The following AGAP1 variants were observed in gnomAD, a reference collection of about 807,000 sequenced individuals.
AGAP1 encodes arf-GAP with GTPase, ANK repeat and PH domain-containing protein 1.
Under a neutral mutation model 105.3 loss-of-function variants are expected in AGAP1, and 29 were observed. The ratio of observed to expected loss-of-function variants is 0.28; its 90% CI spans 0.21 to 0.38. The LOEUF (loss-of-function observed/expected upper bound fraction) is 0.38, where lower values mean the gene tolerates loss of function less well. Among genes scored for constraint, AGAP1 ranks in the 10% least tolerant of loss-of-function variants. The pLI, the probability that AGAP1 is intolerant of heterozygous loss-of-function variation, is 1.00. For missense variants in AGAP1, 998 were observed against 1,165.1 expected (o/e 0.86, Z 2.09); for synonymous variants, 509 against 485.9 (o/e 1.05, Z -0.63).
At chr2:235,584,685 C>T (rs7597938) in intron 1 of AGAP1, among the ~76,000 whole-genome samples, 54,477 of 151,270 alleles carry the variant, frequency 0.36, 10,174 homozygotes, top group Middle Eastern at 0.53. Flanking sequence ...TCCAGAACTG[C>T]GAGGGAATAC....
At chr2:235,757,983 C>T (rs561115477) in intron 6 of AGAP1, among the ~76,000 whole-genome samples, 1 of 152,166 alleles carries the variant, frequency 6.6e-6, no homozygotes, top group Non-Finnish European at 1.5e-5. Context: ...CACCACAGTC[C>T]TTGTGCTGTT....
At chr2:235,561,848 T>A (rs1444578249) in intron 1 of AGAP1, among the ~76,000 whole-genome samples, 1 of 152,156 alleles carries the variant, frequency 6.6e-6, no homozygotes, top group Non-Finnish European at 1.5e-5. Context: ...TGACTTCCAG[T>A]CAAGTTGAAA....
intron 9 of AGAP1, among the ~76,000 whole-genome samples, chr2:235,810,364 C>T (rs577931540): frequency 6.6e-6 from 1 of 152,148 alleles, no homozygotes; most frequent in African/African-American, 2.4e-5. Context: ...TCTGCATGAT[C>T]GAAGCCTCAC....
chr2:235,500,463 T>C (rs902267094), intron 1 of AGAP1, among the ~76,000 whole-genome samples: 1 of 152,222 alleles, frequency 6.6e-6, no homozygotes, highest in Non-Finnish European at 1.5e-5. Flanking sequence ...TCTGGAAGCA[T>C]AGCTGTAAAG....
rs1951330226 is a variant in AGAP1, at chr2:235,720,566, C to T, written c.310+2922C>T. On this transcript the variant is annotated intron_variant, in intron 3 of 17. Transcript: ENST00000304032. The surrounding 1 kb of genome is among the most constrained non-coding windows in gnomAD (Gnocchi z 5.0). ...GTACTGCTGCCTTCTCATCAGACCT[C>T]CTTTCCTCTTACAACTGCTAGAGCG... 2 of 670,874 alleles carry T rather than the reference C, an allele frequency of 3.0e-6. No individual in the cohort carries two copies. The highest frequency in any genetic ancestry group is 3.7e-6 in the Non-Finnish European group (2 of 543,218). The allele number at this position is 670,874 out of a possible 1,614,324, so 41.6% of individuals were successfully genotyped here.
rs914249181 is a variant in AGAP1, at chr2:236,003,470, C to T, written c.1646-33091C>T. On this transcript the variant is annotated intron_variant, in intron 13 of 17. Transcript: ENST00000304032. This position sits in a 1 kb window ranked among gnomAD's most constrained non-coding sequence, Gnocchi z 4.2. ...ACCTCTGTGTGTGGTCGCACGTCCT[C>T]CTCATGGCCACGCTGGGATGGAGGT... Among the ~76,000 whole-genome samples, 2 of 152,232 alleles carry T rather than the reference C, an allele frequency of 1.3e-5. No homozygotes were observed. Among genetic ancestry groups the T allele is most frequent in the Non-Finnish European group, 2.9e-5 (2 of 68,034 alleles).
Position 235,735,381 on chromosome 2 carries a change from T to A in AGAP1, c.311-5582T>A, listed in dbSNP as rs183075067. Among the ~76,000 whole-genome samples, 64 of 152,306 alleles carry A rather than the reference T, an allele frequency of 4.2e-4. 1 individual carries two copies. The East Asian group carries it at 0.012, about 29-fold the overall frequency. On this transcript the variant is annotated intron_variant, in intron 3 of 17. Transcript: ENST00000304032. ...AATGACAGCATAGATGATCTCCCTC[T>A]CCGACTTGTCTCTGTGTAGACTGCA...
intron 1 of AGAP1, among the ~76,000 whole-genome samples, chr2:235,528,248 G>A (rs1942917109): frequency 6.6e-6 from 1 of 151,586 alleles, no homozygotes; most frequent in African/African-American, 2.4e-5. Context: ...GGGGAACCTG[G>A]CCACGTGGTT....
intron 1 of AGAP1, among the ~76,000 whole-genome samples, chr2:235,671,864 T>G (rs1948451012): frequency 6.6e-6 from 1 of 152,188 alleles, no homozygotes; most frequent in Non-Finnish European, 1.5e-5. Flanking sequence ...GTTAACCTTT[T>G]GGTAGCATTT....
In AGAP1 at chr2:236,040,236, CTG is replaced by C. The variant is rs1220093350; in HGVS notation, c.1801-512_1801-511del. Reference sequence around the variant, plus strand: ...CCCACCCTGGCGAGTGGCTTTGTCACTGTGGCAACCGAGGGTCTTCAGATGAC... The same window carrying C: ...CCCACCCTGGCGAGTGGCTTTGTCACTGGCAACCGAGGGTCTTCAGATGAC... On this transcript the variant is annotated intron_variant, in intron 14 of 17. Transcript: ENST00000304032. This position sits in a 1 kb window ranked among gnomAD's most constrained non-coding sequence, Gnocchi z 5.6. Among the ~76,000 whole-genome samples the C allele has an allele frequency of 1.3e-5, 2 of 152,200 alleles. No individual in the cohort carries two copies. Among genetic ancestry groups the C allele is most frequent in the African/African-American group, 4.8e-5 (2 of 41,452 alleles).
At chr2:235,808,726 T>G (rs948563523) in intron 9 of AGAP1, among the ~76,000 whole-genome samples, 3 of 152,162 alleles carry the variant, frequency 2.0e-5, no homozygotes, top group Non-Finnish European at 4.4e-5. Flanking sequence ...GTAAGATACA[T>G]GATCATCTAC....
rs143876714 is a variant in AGAP1, at chr2:235,508,482, G to A, written c.163+13633G>A. Among the ~76,000 whole-genome samples the A allele has an allele frequency of 3.9e-5, 6 of 152,288 alleles. No homozygotes were observed. In the East Asian group the frequency reaches 5.8e-4, roughly 15 times the overall value. The stretch of plus-strand genomic sequence containing the variant: ...TCACGCTCGGTTTTTTACTCATCAA[G>A]GTTATAAAGAAAATAACAGCTGTTG... On this transcript the variant is annotated intron_variant, in intron 1 of 17. Transcript: ENST00000304032.
At position 235,867,569 on chromosome 2, in the gene AGAP1, G is replaced by GTGTGTA. The variant is rs1227910606; in HGVS notation, c.1051-15771_1051-15770insATGTGT. On this transcript the variant is annotated intron_variant, in intron 9 of 17. Coordinates refer to ENST00000304032, the MANE Select transcript of AGAP1 (RefSeq NM_001037131.3). This position sits in a 1 kb window ranked among gnomAD's most constrained non-coding sequence, Gnocchi z 5.4. Reference sequence around the variant, plus strand: ...TGTGTGTGTGTGTGTGTGTGTGTGTGTGTGTGCAAGTGAGGGAGGGTGACC... The same window carrying GTGTGTA: ...TGTGTGTGTGTGTGTGTGTGTGTGTGTGTGTATGTGTGCAAGTGAGGGAGGGTGACC... Among the ~76,000 whole-genome samples, 7 of 150,848 alleles carry GTGTGTA rather than the reference G, an allele frequency of 4.6e-5. No homozygotes were observed. The highest frequency in any genetic ancestry group is 1.7e-4 in the African/African-American group (7 of 41,228).
At chr2:235,804,131 A>G (rs1406823054) in intron 8 of AGAP1, among the ~76,000 whole-genome samples, 1 of 152,206 alleles carries the variant, frequency 6.6e-6, no homozygotes, top group Non-Finnish European at 1.5e-5. Context: ...ATGTGCCTCC[A>G]GAACACGTTT....
At position 235,729,680 on chromosome 2, in the gene AGAP1, T is replaced by C. The variant is rs1951839167; in HGVS notation, c.311-11283T>C. Among the ~76,000 whole-genome samples, 1 of 152,034 alleles carries C rather than the reference T, an allele frequency of 6.6e-6. No homozygotes were observed. Among genetic ancestry groups the C allele is most frequent in the African/African-American group, 2.4e-5 (1 of 41,344 alleles). On this transcript the variant is annotated intron_variant, in intron 3 of 17. Transcript: ENST00000304032. This position sits in a 1 kb window ranked among gnomAD's most constrained non-coding sequence, Gnocchi z 5.0. The stretch of plus-strand genomic sequence containing the variant: ...TCCTTCCATTAAAGCCATTACAGTG[T>C]CACCACAGGATTGTAAGAATTACAA...
chr2:235,683,891 C>T (rs1292518476), intron 1 of AGAP1, among the ~76,000 whole-genome samples: 1 of 151,460 alleles, frequency 6.6e-6, no homozygotes, highest in African/African-American at 2.4e-5. Flanking sequence ...TGTTCCCCGC[C>T]CTGTGTCCAT....
At chr2:235,807,593 T>G (rs201272424) in intron 9 of AGAP1, among the ~76,000 whole-genome samples, 1 of 152,220 alleles carries the variant, frequency 6.6e-6, no homozygotes, top group East Asian at 1.9e-4. Flanking sequence ...GGCTGAGAGC[T>G]TTCAAAGGCT....
chr2:235,645,631 A>G (rs1474293981), intron 1 of AGAP1, among the ~76,000 whole-genome samples: 1 of 152,084 alleles, frequency 6.6e-6, no homozygotes, highest in African/African-American at 2.4e-5. Context: ...AGGGGCACAC[A>G]GCATTGCACA....
At position 235,680,974 on chromosome 2, in the gene AGAP1, T is replaced by G. The variant is rs529789011; in HGVS notation, c.164-28205T>G. The stretch of plus-strand genomic sequence containing the variant: ...TGTGTTTTTCCTACTTCCTCTCAGC[T>G]GGGCAGTTTGCTGGCCTCTGAAAAT... On this transcript the variant is annotated intron_variant, in intron 1 of 17. Coordinates refer to ENST00000304032, the MANE Select transcript of AGAP1 (RefSeq NM_001037131.3). Among the ~76,000 whole-genome samples, 14 of 152,258 alleles carry G rather than the reference T, an allele frequency of 9.2e-5. No individual in the cohort carries two copies. The South Asian group carries it at 1.7e-3, about 18-fold the overall frequency.
Sources: gnomAD v4.1 joint callset for allele counts (sites outside exome capture counted in the v4.1 genomes callset) on GRCh38, gnomAD v4.1.1 for gene constraint, Gnocchi (gnomAD v3.1) non-coding constraint, MANE v1.5 for transcripts, NCBI Gene and HGNC (gene_info 2026-07-23, HGNC 2026-07-21) for gene names.